The following VWDE variants were observed in gnomAD, a reference collection of about 807,000 sequenced individuals.
VWDE encodes the protein von Willebrand factor D and EGF domains.
A neutral mutation model predicts 178.4 loss-of-function variants in VWDE; 207 were observed. The observed-to-expected ratio is 1.16, with a 90% CI of 1.04 to 1.30. The LOEUF (loss-of-function observed/expected upper bound fraction) is 1.30. Ranked by LOEUF, VWDE falls within the 50% of genes most tolerant of loss-of-function variation. The pLI is 0.00. For missense variants in VWDE, 2,287 were observed against 1,901.3 expected (o/e 1.20, Z -3.77); for synonymous variants, 738 against 651.4 (o/e 1.13, Z -2.02).
chr7:12,387,334 G>GA (rs1179724977), intron 3 of VWDE, among the ~76,000 whole-genome samples: 1 of 151,832 alleles, frequency 6.6e-6, no homozygotes, highest in Non-Finnish European at 1.5e-5. Flanking sequence ...TTGTTTTTAT[G>GA]AAAAAAGATT....
intron 2 of VWDE, among the ~76,000 whole-genome samples, chr7:12,392,157 C>T (rs137978877): frequency 6.6e-6 from 1 of 152,178 alleles, no homozygotes; most frequent in Admixed American, 6.5e-5. Context: ...TCATGTGACT[C>T]ATGCTTAGTG....
rs1046831055 is a variant in VWDE, at chr7:12,343,093, C to G, written c.4164G>C (p.Arg1388Ser). The G allele has an allele frequency of 1.3e-6, 2 of 1,549,124 alleles. No individual in the cohort carries two copies. The highest frequency in any genetic ancestry group is 2.4e-5 in the South Asian group (2 of 83,896). The change falls in exon 22 of 29, where the codon AGG becomes AGC. Residue 1388 changes from arginine to serine, a missense_variant. Arg to Ser is a moderately radical substitution (Grantham distance 110, BLOSUM62 -1). Coordinates refer to ENST00000275358, the MANE Select transcript of VWDE (RefSeq NM_001135924.3). ...GAGAGCTTTGCTTACTTGTTTCACA[C>G]CTTGGTCCTACAAAACCATAAGGAC... ...CTCPYGFVGP[R>S]CETMVCNRHC...
chr7:12,336,335 T>A, intron 26 of VWDE, 99 bp from the exon 27 acceptor site: 1 of 994,602 alleles, frequency 1.0e-6, no homozygotes, highest in South Asian at 1.7e-5. Flanking sequence ...AAAGAAATAG[T>A]TACAAGTAAG....
At chr7:12,380,442 TC>T in intron 5 of VWDE, 43 bp downstream of exon 5, 1 of 1,527,890 alleles carries the variant, frequency 6.5e-7, no homozygotes, top group South Asian at 1.2e-5. Context: ...TGTTTGAAAA[TC>T]AATACATTCA....
Position 12,369,672 on chromosome 7 carries a change from G to C in VWDE, c.2634C>G (p.Gly878=), listed in dbSNP as rs1047616682. 25 of 1,551,484 alleles carry C rather than the reference G, an allele frequency of 1.6e-5. No homozygotes were observed. Among genetic ancestry groups the C allele is most frequent in the Non-Finnish European group, 2.2e-5 (25 of 1,146,882 alleles). The change falls in exon 12 of 29, where the codon GGC becomes GGG. Residue 878 remains glycine, a synonymous_variant. Transcript: ENST00000275358. ...CTGAGAGAATGTCTTCAATTGATGT[G>C]CCATACTCTTCTGTGTTATATTTCC... ...EEGKYNTEEY[G]TSIEDILSVL...
rs533078358 is a variant in VWDE at position 12,348,969 on chromosome 7, C to T, written c.3886+2604G>A. 1.8e-3 allele frequency among the ~76,000 whole-genome samples: 268 copies of T among 151,986 alleles called. 2 individuals carry two copies. The highest frequency in any genetic ancestry group is 5.9e-3 in the African/African-American group (243 of 41,414). ...GAAATCATCATTCTCAGTAAACTAT[C>T]GCAAGAACAAAAAACCAAACACCAC... On this transcript the variant is annotated intron_variant, in intron 19 of 28. Transcript: ENST00000275358.
At chr7:12,381,222 T>G (rs946208577) in intron 4 of VWDE, among the ~76,000 whole-genome samples, 2 of 152,160 alleles carry the variant, frequency 1.3e-5, no homozygotes, top group African/African-American at 2.4e-5. Context: ...TATACTATCT[T>G]AGTGAAATAT....
At chr7:12,402,821 C>T (rs1188624939) in intron 1 of VWDE, among the ~76,000 whole-genome samples, 1 of 151,584 alleles carries the variant, frequency 6.6e-6, no homozygotes, top group Non-Finnish European at 1.5e-5. Context: ...GAGTTAAGAT[C>T]AAAAAATGAT....
intron 16 of VWDE, among the ~76,000 whole-genome samples, chr7:12,357,793 A>C (rs1782342317): frequency 6.6e-6 from 1 of 152,082 alleles, no homozygotes; most frequent in Admixed American, 6.5e-5. Context: ...TGCACTGGCC[A>C]CACTGGATGC....
chr7:12,396,721 G>A (rs1784641759), intron 1 of VWDE, among the ~76,000 whole-genome samples: 1 of 150,618 alleles, frequency 6.6e-6, no homozygotes, highest in African/African-American at 2.4e-5. Flanking sequence ...TTGGAGACCA[G>A]CCTGACCAAC....
intron 15 of VWDE, among the ~76,000 whole-genome samples, chr7:12,360,679 G>A (rs1284536911): frequency 6.6e-6 from 1 of 152,086 alleles, no homozygotes; most frequent in Non-Finnish European, 1.5e-5. Flanking sequence ...AGCTCAGGCT[G>A]CACTGCTGTT....
chr7:12,332,991 G>T, intron 28 of VWDE, among the ~76,000 whole-genome samples: 1 of 152,194 alleles, frequency 6.6e-6, no homozygotes, highest in East Asian at 1.9e-4. Context: ...ATGAGAGAGA[G>T]AGAGATTATT....
At chr7:12,389,420 T>C (rs936387562) in intron 2 of VWDE, 62 bp from the exon 3 acceptor site, 1 of 1,201,274 alleles carries the variant, frequency 8.3e-7, no homozygotes, top group African/African-American at 1.5e-5. Context: ...TGTAGATATA[T>C]CAACTTTGCA....
At position 12,344,410 on chromosome 7, in the gene VWDE, A is replaced by T; in HGVS notation, c.3946T>A (p.Cys1316Ser). ...TTAGAACCAATGTAACCAGGTTTACATTTGCAGATGTTTGGGGCAACACAC... is the reference window on the plus strand; with the variant it reads ...TTAGAACCAATGTAACCAGGTTTACTTTTGCAGATGTTTGGGGCAACACAC... ...RECVAPNICK[C>S]KPGYIGSNCQ... The change falls in exon 20 of 29, where the codon TGT (cysteine) becomes AGT (serine). Residue 1316 changes from cysteine (C) to serine (S), a missense_variant. Coordinates refer to ENST00000275358, the MANE Select transcript of VWDE (RefSeq NM_001135924.3). 1 of 1,551,144 alleles carries T rather than the reference A, an allele frequency of 6.4e-7. No homozygotes were observed. The highest frequency in any genetic ancestry group is 8.7e-7 in the Non-Finnish European group (1 of 1,146,654).
At chr7:12,352,700 A>G (rs1323450600) in intron 18 of VWDE, among the ~76,000 whole-genome samples, 1 of 152,152 alleles carries the variant, frequency 6.6e-6, no homozygotes, top group East Asian at 1.9e-4. Context: ...TGTTGCTCAT[A>G]TCTGTGGGGC....
At chr7:12,378,713 T>C (rs954861128) in intron 6 of VWDE, among the ~76,000 whole-genome samples, 9 of 152,194 alleles carry the variant, frequency 5.9e-5, no homozygotes, top group East Asian at 3.9e-4. Context: ...GCTGTAGTTA[T>C]GCAATTCTGA....
intron 28 of VWDE, 30 bp downstream of exon 28, chr7:12,333,435 T>C: frequency 7.4e-7 from 1 of 1,348,524 alleles, no homozygotes; most frequent in Non-Finnish European, 1.0e-6. Flanking sequence ...CAATGTCTAA[T>C]ATTTATTTTC....
At chr7:12,339,181 A>C (rs1398757472) in intron 24 of VWDE, among the ~76,000 whole-genome samples, 1 of 152,144 alleles carries the variant, frequency 6.6e-6, no homozygotes, top group Non-Finnish European at 1.5e-5. Context: ...CCCTTAAAGC[A>C]TGGAATACGT....
At chr7:12,381,177 T>C (rs866805338) in intron 4 of VWDE, among the ~76,000 whole-genome samples, 17 of 152,348 alleles carry the variant, frequency 1.1e-4, no homozygotes, top group African/African-American at 4.1e-4. Context: ...TTATCATTAC[T>C]CTGGGCTGAA....
Sources: allele counts gnomAD v4.1 joint callset (sites outside exome capture counted in the v4.1 genomes callset), GRCh38; gene constraint gnomAD v4.1.1; transcripts MANE v1.5; gene names NCBI Gene and HGNC (gene_info 2026-07-23, HGNC 2026-07-21).